Variants in PCDHA3 observed in about 807,000 individuals in gnomAD.
PCDHA3 encodes protocadherin alpha 3.
PCDHA3 carries 41 observed loss-of-function variants against 62.2 expected under a neutral mutation model. That is an observed-to-expected ratio of 0.66 (90% CI 0.51 to 0.86). PCDHA3 has a LOEUF of 0.86. Ranked by LOEUF, PCDHA3 falls within the 40% of genes least tolerant of loss-of-function variation. The probability of loss-of-function intolerance (pLI) is 0.00; values close to 1 mark genes in which losing one functional copy is unlikely to be tolerated. For missense variants in PCDHA3, 1,304 were observed against 1,241.2 expected, an observed-to-expected ratio of 1.05 and a Z score of -0.76; for synonymous variants, 640 against 555.4, an observed-to-expected ratio of 1.15 and a Z score of -2.14.
chr5:140,826,761 T>G (rs1014427871), intron 1 of PCDHA3, among the ~76,000 whole-genome samples: 16 of 152,150 alleles, frequency 1.1e-4, no homozygotes, highest in Admixed American at 5.9e-4. Context: ...AGATTCATAT[T>G]GGAGAGTAAT....
intron 1 of PCDHA3, chr5:140,926,928 G>GT: frequency 1.3e-6 from 2 of 1,574,878 alleles, no homozygotes; most frequent in South Asian, 2.4e-5. Context: ...TATGTTTGTG[G>GT]GTTTCCTGCG....
chr5:140,969,210 C>T, intron 1 of PCDHA3: 10 of 1,614,184 alleles, frequency 6.2e-6, no homozygotes, highest in Non-Finnish European at 8.5e-6. Flanking sequence ...GGGGCCCAGA[C>T]AGGACCAGGG....
At chr5:140,877,127 A>G (rs2056869003) in intron 1 of PCDHA3, 1 of 1,613,602 alleles carries the variant, frequency 6.2e-7, no homozygotes, top group African/African-American at 1.3e-5. Flanking sequence ...GTGACGCTGC[A>G]GGTGTTCGTG....
chr5:140,966,926 C>T (rs782811757), intron 1 of PCDHA3: 22 of 1,603,344 alleles, frequency 1.4e-5, no homozygotes, highest in Middle Eastern at 1.6e-4. Context: ...GGAGCAGGCA[C>T]CCGGCGCGCT....
intron 1 of PCDHA3, chr5:140,877,450 A>G (rs1406485859): frequency 1.9e-6 from 3 of 1,613,636 alleles, no homozygotes; most frequent in Non-Finnish European, 2.5e-6. Flanking sequence ...GCCCGCGCTG[A>G]CGTCCACGGC....
chr5:140,809,417 G>A, intron 1 of PCDHA3: 1 of 1,614,242 alleles, frequency 6.2e-7, no homozygotes, highest in Non-Finnish European at 8.5e-7. Flanking sequence ...GTGCTCCAGT[G>A]CGGTGGGGAG....
At chr5:140,865,393 T>C (rs1484152946) in intron 1 of PCDHA3, 1 of 152,180 alleles carries the variant, frequency 6.6e-6, no homozygotes, top group Admixed American at 6.5e-5. Flanking sequence ...AAAGTTAATA[T>C]AAATGCTGAA....
chr5:140,803,846 C>A (rs559372667), intron 1 of PCDHA3: 7 of 598,242 alleles, frequency 1.2e-5, no homozygotes, highest in African/African-American at 9.3e-5. Context: ...TATTTTATTG[C>A]TAAATGCCTG....
At chr5:140,826,364 C>T (rs1768919207) in intron 1 of PCDHA3, among the ~76,000 whole-genome samples, 1 of 152,040 alleles carries the variant, frequency 6.6e-6, no homozygotes, top group Non-Finnish European at 1.5e-5. Context: ...AAAATAACTG[C>T]AATAGAAAGT....
intron 1 of PCDHA3, among the ~76,000 whole-genome samples, chr5:140,945,791 G>T (rs782283550): frequency 1.3e-5 from 2 of 152,064 alleles, no homozygotes; most frequent in Non-Finnish European, 2.9e-5. Flanking sequence ...GCAGAAAAAT[G>T]AAACTAGACC....
At chr5:140,876,135 A>T (rs782217370) in intron 1 of PCDHA3, 2 of 1,613,954 alleles carry the variant, frequency 1.2e-6, no homozygotes, top group Admixed American at 3.3e-5. Context: ...GTAAACCAGA[A>T]CTAACAGGGT....
chr5:141,007,275 T>C (rs1418814264), intron 3 of PCDHA3, among the ~76,000 whole-genome samples: 2 of 151,338 alleles, frequency 1.3e-5, no homozygotes, highest in Non-Finnish European at 2.9e-5. Context: ...ACAGGCTGGG[T>C]GCAGTGGGCT....
intron 1 of PCDHA3, chr5:140,804,887 C>G: frequency 1.4e-5 from 9 of 638,746 alleles, no homozygotes; most frequent in South Asian, 3.0e-5. Flanking sequence ...GACTCCTCTC[C>G]TTCCCCTCAC....
intron 1 of PCDHA3, chr5:140,850,704 C>G (rs2041773068): frequency 1.3e-6 from 2 of 1,598,020 alleles, no homozygotes; most frequent in Admixed American, 3.4e-5. Context: ...GCCTGGCAAG[C>G]CGACGCTGGT....
intron 1 of PCDHA3, chr5:140,856,396 C>G: frequency 6.3e-7 from 1 of 1,598,526 alleles, no homozygotes. Flanking sequence ...TGCAGGTTTT[C>G]CATGTGGACG....
chr5:141,009,374 G>C (rs567366098), intron 3 of PCDHA3, among the ~76,000 whole-genome samples: 1 of 152,216 alleles, frequency 6.6e-6, no homozygotes, highest in African/African-American at 2.4e-5. Context: ...TGGGAGGATT[G>C]ATTGAGCACA....
At chr5:140,804,916 C>A in intron 1 of PCDHA3, 1 of 946,486 alleles carries the variant, frequency 1.1e-6, no homozygotes, top group Non-Finnish European at 1.5e-6. Flanking sequence ...TCTTTATTTC[C>A]TTTTTTGGCA....
At position 140,853,802 on chromosome 5, in the gene PCDHA3, G is replaced by T. The variant is rs10054866; in HGVS notation, c.2394+50211G>T. The T allele has an allele frequency of 3.5e-3, 3,416 of 986,938 alleles. 247 individuals are homozygous for T. The African/African-American group carries it at 0.056, about 16-fold the overall frequency. 61.1% of individuals were successfully genotyped at this position (986,938 alleles called of 1,614,324 possible). Reference sequence around the variant, plus strand: ...AGTAAGAGCAAATTTTCATTTTAAAGCACACCTGAGATGATTCTCATACAA... The same window carrying T: ...AGTAAGAGCAAATTTTCATTTTAAATCACACCTGAGATGATTCTCATACAA... On this transcript the variant is annotated intron_variant, in intron 1 of 3. Coordinates refer to ENST00000522353, the MANE Select transcript of PCDHA3 (RefSeq NM_018906.3).
intron 1 of PCDHA3, among the ~76,000 whole-genome samples, chr5:140,841,023 C>T (rs1331109795): frequency 6.6e-6 from 1 of 152,000 alleles, no homozygotes; most frequent in Admixed American, 6.6e-5. Flanking sequence ...ATGAATGCCT[C>T]TGCAATTGAT....
Sources: gnomAD v4.1 joint callset for allele counts (sites outside exome capture counted in the v4.1 genomes callset) on GRCh38, gnomAD v4.1.1 for gene constraint, MANE v1.5 for transcripts, NCBI Gene and HGNC (gene_info 2026-07-23, HGNC 2026-07-21) for gene names.